The following ABCA4 variants were observed in gnomAD, a reference collection of about 807,000 sequenced individuals.
ABCA4 encodes the protein ATP binding cassette subfamily A member 4.
In ABCA4, 196 loss-of-function variants were observed where a neutral mutation model predicts 263.7. The observed-to-expected ratio is 0.74, with a 90% CI of 0.66 to 0.84. The LOEUF (loss-of-function observed/expected upper bound fraction) is 0.84. Ranked by LOEUF, ABCA4 falls within the 40% of genes least tolerant of loss-of-function variation. The pLI is 0.00. For synonymous variants in ABCA4, 1,133 were observed against 1,094.2 expected (o/e 1.04, Z -0.70); for missense variants, 2,792 against 2,855.1 (o/e 0.98, Z 0.50).
At chr1:94,058,447 C>T (rs1448685536) in intron 14 of ABCA4, among the ~76,000 whole-genome samples, 2 of 152,204 alleles carry the variant, frequency 1.3e-5, no homozygotes, top group African/African-American at 4.8e-5. Context: ...CTGAGACCTC[C>T]ACCTCCTGGG....
rs561658869 is a variant in ABCA4 at position 94,044,690 on chromosome 1, T to C, written c.2973A>G (p.Gly991=). 1.9e-6 allele frequency: 3 copies of C among 1,613,966 alleles called. No individual in the cohort carries two copies. The highest frequency in any genetic ancestry group is 2.7e-5 in the African/African-American group (2 of 74,974). The change falls in exon 20 of 50, where the codon GGA becomes GGG. Residue 991 remains glycine, a synonymous_variant. Coordinates refer to ENST00000370225, the MANE Select transcript of ABCA4 (RefSeq NM_000350.3). ...CATCCAGGCTGGTTTCAATGTCCCT[T>C]CCCCCAACGAGCACAGTCCCAGAGG... The part of the protein sequence containing the change: ...PPTSGTVLVG[G]RDIETSLDAV...
chr1:93,999,745 C>T (rs1659124735), intron 47 of ABCA4, among the ~76,000 whole-genome samples: 1 of 152,174 alleles, frequency 6.6e-6, no homozygotes, highest in Admixed American at 6.5e-5. Flanking sequence ...CTCCAGAAAA[C>T]TCACCATCCC....
At position 94,011,367 on chromosome 1, in the gene ABCA4, C is replaced by A. The variant is rs530098237; in HGVS notation, c.5479G>T (p.Ala1827Ser). 6.2e-7 allele frequency: 1 copy of A among 1,614,022 alleles called. No homozygotes were observed. Among genetic ancestry groups the A allele is most frequent in the Admixed American group, 1.7e-5 (1 of 60,016 alleles). ...ACAATGAGCAGCTTCCTCAGCACGGCGTTGAACCTGAGCAGCGTCTGAAAC... is the reference window on the plus strand; with the variant it reads ...ACAATGAGCAGCTTCCTCAGCACGGAGTTGAACCTGAGCAGCGTCTGAAAC... Reference protein sequence around the residue: ...ENNRTLLRFNAVLRKLLIVFP... With the variant: ...ENNRTLLRFNSVLRKLLIVFP... The change falls in exon 39 of 50, where the codon GCC becomes TCC. Residue 1827 changes from alanine to serine, a missense_variant. Coordinates refer to ENST00000370225, the MANE Select transcript of ABCA4 (RefSeq NM_000350.3).
intron 31 of ABCA4, among the ~76,000 whole-genome samples, chr1:94,024,593 A>T (rs1659986505): frequency 1.3e-5 from 2 of 150,832 alleles, no homozygotes; most frequent in African/African-American, 4.9e-5. Context: ...ATACTCCTCC[A>T]CCTCCCTCCA....
intron 37 of ABCA4, 137 bp from the exon 38 acceptor site, chr1:94,014,827 T>C (rs543766834): frequency 3.6e-6 from 4 of 1,108,500 alleles, no homozygotes; most frequent in African/African-American, 3.1e-5. Flanking sequence ...ACCAGAGAGA[T>C]ACTCCATTTG....
chr1:94,106,234 T>C (rs543355469), intron 4 of ABCA4, among the ~76,000 whole-genome samples: 1 of 152,336 alleles, frequency 6.6e-6, no homozygotes, highest in African/African-American at 2.4e-5. Flanking sequence ...AGGAACCGCC[T>C]GCATACCAAT....
At chr1:94,059,065 A>G (rs1031997676) in intron 14 of ABCA4, among the ~76,000 whole-genome samples, 3 of 152,256 alleles carry the variant, frequency 2.0e-5, no homozygotes, top group Non-Finnish European at 4.4e-5. Context: ...TTTACCTCAC[A>G]TCGTAAAAGC....
Position 94,108,608 on chromosome 1 carries a change from G to A in ABCA4, c.411C>T (p.Asp137=). Residue 137 remains aspartate, a synonymous_variant, in exon 4 of 50, where the codon GAC becomes GAT. Coordinates refer to ENST00000370225, the MANE Select transcript of ABCA4 (RefSeq NM_000350.3). ...TELHILSQFM[D]TLRTHPERIA... The stretch of plus-strand genomic sequence containing the variant: ...TTCTCTCCGGGTGAGTCCGGAGGGT[G>A]TCCATGAATTGGGACAAGATGTGTA... The A allele has an allele frequency of 6.2e-7, 1 of 1,613,778 alleles. No individual in the cohort carries two copies. The highest frequency in any genetic ancestry group is 1.7e-4 in the Middle Eastern group (1 of 5,740).
chr1:94,019,029 T>G (rs1038978368), intron 36 of ABCA4, among the ~76,000 whole-genome samples: 1 of 146,154 alleles, frequency 6.8e-6, no homozygotes, highest in African/African-American at 2.6e-5. Flanking sequence ...GTTTTTTTTT[T>G]TTTTTTTTTT....
chr1:94,036,675 A>G, intron 26 of ABCA4, 65 bp downstream of exon 26: 2 of 1,552,256 alleles, frequency 1.3e-6, no homozygotes, highest in East Asian at 2.2e-5. Context: ...AGCCCCTTAG[A>G]CTTTCGAGAT....
At chr1:94,104,292 A>G (rs920877020) in intron 4 of ABCA4, among the ~76,000 whole-genome samples, 2 of 152,162 alleles carry the variant, frequency 1.3e-5, no homozygotes, top group African/African-American at 4.8e-5. Flanking sequence ...TGAAAATGCC[A>G]ATCTCTTCAC....
intron 19 of ABCA4, among the ~76,000 whole-genome samples, chr1:94,046,473 AAAAG>A (rs1381778707): frequency 8.3e-6 from 1 of 120,744 alleles, no homozygotes; most frequent in Non-Finnish European, 1.8e-5. Context: ...AAAAAAAAAA[AAAAG>A]AAAAGAAAAG....
chr1:94,030,397 C>T lies in ABCA4; in HGVS notation c.4352+31G>A, dbSNP rs763069300. ...GTTGGGTCCTCCCAGGGGAGCTAGT[C>T]TTCTTAGGACAGGGGCGCGTAGGCA... is the stretch of plus-strand genomic sequence containing the variant. On this transcript the variant is annotated intron_variant, in intron 29 of 49. Transcript: ENST00000370225. 2.5e-6 allele frequency: 4 copies of T among 1,607,402 alleles called. No individual in the cohort carries two copies. The South Asian group carries it at 4.4e-5, about 18-fold the overall frequency.
At position 94,011,369 on chromosome 1, in the gene ABCA4, T is replaced by C. The variant is rs1417966624; in HGVS notation, c.5477A>G (p.Asn1826Ser). 1.2e-6 allele frequency: 2 copies of C among 1,613,960 alleles called. No individual in the cohort carries two copies. The highest frequency in any genetic ancestry group is 1.6e-4 in the Middle Eastern group (1 of 6,062). ...FENNRTLLRF[N>S]AVLRKLLIVF... is the part of the protein sequence containing the mutation. Reference sequence around the variant, plus strand: ...AATGAGCAGCTTCCTCAGCACGGCGTTGAACCTGAGCAGCGTCTGAAACAG... The same window carrying C: ...AATGAGCAGCTTCCTCAGCACGGCGCTGAACCTGAGCAGCGTCTGAAACAG... The change falls in exon 39 of 50, where the codon AAC (asparagine) becomes AGC (serine). Residue 1826 changes from asparagine (N) to serine (S), a missense_variant. Asn to Ser is a conservative substitution (Grantham distance 46). Coordinates refer to ENST00000370225, the MANE Select transcript of ABCA4 (RefSeq NM_000350.3).
intron 6 of ABCA4, among the ~76,000 whole-genome samples, chr1:94,092,558 G>A (rs1285758851): frequency 6.6e-6 from 1 of 152,140 alleles, no homozygotes; most frequent in African/African-American, 2.4e-5. Context: ...GGGGTTGGGG[G>A]ACATGTCAAA....
chr1:94,114,845 T>C (rs1662713877), intron 1 of ABCA4, among the ~76,000 whole-genome samples: 1 of 152,194 alleles, frequency 6.6e-6, no homozygotes, highest in Non-Finnish European at 1.5e-5. Context: ...TCCAAGTAAG[T>C]GAAGCCCTCA....
At chr1:94,075,301 G>A (rs374094454) in intron 11 of ABCA4, among the ~76,000 whole-genome samples, 1 of 152,148 alleles carries the variant, frequency 6.6e-6, no homozygotes, top group South Asian at 2.1e-4. Context: ...TACACATTCT[G>A]CACTTGTATC....
intron 15 of ABCA4, 106 bp downstream of exon 15, chr1:94,056,495 C>T (rs1660980809): frequency 1.6e-6 from 2 of 1,270,142 alleles, no homozygotes; most frequent in Admixed American, 2.0e-5. Flanking sequence ...AACCTTAGGT[C>T]AAAGGCAAAG....
At chr1:94,009,660 T>G (rs1659493082) in intron 40 of ABCA4, among the ~76,000 whole-genome samples, 1 of 152,198 alleles carries the variant, frequency 6.6e-6, no homozygotes, top group South Asian at 2.1e-4. Flanking sequence ...AGCCTCTTCT[T>G]TGAAACCCTC....
Sources: gnomAD v4.1 joint callset for allele counts (sites outside exome capture counted in the v4.1 genomes callset) on GRCh38, gnomAD v4.1.1 for gene constraint, MANE v1.5 for transcripts, NCBI Gene and HGNC (gene_info 2026-07-23, HGNC 2026-07-21) for gene names.